ADAMTSL2: variants seen among roughly 807,000 people sequenced by gnomAD.
The protein encoded by ADAMTSL2 is ADAMTS-like protein 2.
A neutral mutation model predicts 117.0 loss-of-function variants in ADAMTSL2; 55 were observed. That is an observed-to-expected ratio of 0.47 (90% CI 0.38 to 0.59). The LOEUF (loss-of-function observed/expected upper bound fraction) is 0.59. Among genes scored for constraint, ADAMTSL2 ranks in the 20% least tolerant of loss-of-function variants. ADAMTSL2 has a pLI of 0.00. For synonymous variants in ADAMTSL2, 572 were observed against 566.4 expected, an observed-to-expected ratio of 1.01 and a Z score of -0.14; for missense variants, 1,182 against 1,354.5, an observed-to-expected ratio of 0.87 and a Z score of 2.00.
chr9:133,549,569 G>A (rs1452129308), intron 9 of ADAMTSL2, among the ~76,000 whole-genome samples: 1 of 144,906 alleles, frequency 6.9e-6, no homozygotes, highest in East Asian at 2.0e-4. Flanking sequence ...TTTTTAAGTA[G>A]AGAGAGGGTC....
chr9:133,540,549 G>C (rs369563043), intron 5 of ADAMTSL2, 49 bp from the exon 6 acceptor site: 2 of 1,606,014 alleles, frequency 1.2e-6, no homozygotes, highest in Non-Finnish European at 1.7e-6. Context: ...CTCTGAATCC[G>C]GCATTTCCTG....
At chr9:133,570,650 C>T in intron 17 of ADAMTSL2, 143 bp downstream of exon 17, 1 of 926,988 alleles carries the variant, frequency 1.1e-6, no homozygotes, top group African/African-American at 1.6e-5. Context: ...CCCGGGAAAG[C>T]TTCTCAACTC....
intron 3 of ADAMTSL2, among the ~76,000 whole-genome samples, chr9:133,537,849 A>G (rs1050578094): frequency 9.2e-5 from 14 of 152,210 alleles, no homozygotes; most frequent in African/African-American, 3.4e-4. Context: ...TCTTCTGAAG[A>G]CCTGAGTGAG....
At chr9:133,539,486 G>A (rs992628255) in intron 4 of ADAMTSL2, among the ~76,000 whole-genome samples, 8 of 152,178 alleles carry the variant, frequency 5.3e-5, no homozygotes, top group South Asian at 4.1e-4. Context: ...CCCCTCCACC[G>A]CAAGGCTGGG....
At chr9:133,571,077 CTA>C (rs1403899937) in intron 17 of ADAMTSL2, among the ~76,000 whole-genome samples, 1 of 152,168 alleles carries the variant, frequency 6.6e-6, no homozygotes, top group African/African-American at 2.4e-5. Flanking sequence ...TGAGGCAGGA[CTA>C]TGCTGAGATC....
At chr9:133,564,635 A>G (rs866238408) in intron 12 of ADAMTSL2, among the ~76,000 whole-genome samples, 10 of 46,456 alleles carry the variant, frequency 2.2e-4, no homozygotes, top group Admixed American at 6.2e-4. Flanking sequence ...GGAGAGAGAG[A>G]GAGAGGGAGA....
At chr9:133,547,296 C>A in intron 9 of ADAMTSL2, 83 bp downstream of exon 9, 1 of 1,400,778 alleles carries the variant, frequency 7.1e-7, no homozygotes. Flanking sequence ...GGTCTTCCAG[C>A]CCGTGACGCC....
At chr9:133,539,674 G>GCTGT in intron 4 of ADAMTSL2, 97 bp from the exon 5 acceptor site, 3 of 1,270,244 alleles carry the variant, frequency 2.4e-6, no homozygotes, top group Non-Finnish European at 3.3e-6. Flanking sequence ...GGCTGTCCCG[G>GCTGT]CTGTCCCGGC....
chr9:133,546,772 A>G (rs1830358109), intron 8 of ADAMTSL2, among the ~76,000 whole-genome samples: 1 of 152,190 alleles, frequency 6.6e-6, no homozygotes, highest in South Asian at 2.1e-4. Flanking sequence ...ACAGGTAGCC[A>G]CAAGAACAGG....
chr9:133,534,590 T>G, upstream of ADAMTSL2: 7 of 1,179,966 alleles, frequency 5.9e-6, no homozygotes, highest in Non-Finnish European at 5.4e-6. Flanking sequence ...CAGAGCGGGT[T>G]AAAGTGTGCG....
chr9:133,565,159 A>T (rs1830936510), intron 12 of ADAMTSL2, among the ~76,000 whole-genome samples: 2 of 151,888 alleles, frequency 1.3e-5, no homozygotes, highest in African/African-American at 4.8e-5. Context: ...TGTTTCAAGG[A>T]GGGGCTCCGT....
At chr9:133,553,025 T>C (rs1313826913) in intron 9 of ADAMTSL2, among the ~76,000 whole-genome samples, 1 of 152,194 alleles carries the variant, frequency 6.6e-6, no homozygotes, top group African/African-American at 2.4e-5. Context: ...AGAATGTGAC[T>C]TAATCTAAGC....
intron 17 of ADAMTSL2, among the ~76,000 whole-genome samples, chr9:133,572,450 G>A (rs1308968133): frequency 6.6e-6 from 1 of 152,192 alleles, no homozygotes; most frequent in Non-Finnish European, 1.5e-5. Flanking sequence ...AGCCCGGTGG[G>A]AGGGAGAGTG....
chr9:133,544,952 G>T (rs553976295), intron 8 of ADAMTSL2, among the ~76,000 whole-genome samples: 1 of 152,256 alleles, frequency 6.6e-6, no homozygotes, highest in African/African-American at 2.4e-5. Context: ...CGGTGCAGAG[G>T]TAGGATTCCG....
intron 9 of ADAMTSL2, among the ~76,000 whole-genome samples, chr9:133,548,885 C>A (rs993826238): frequency 6.6e-6 from 1 of 152,210 alleles, no homozygotes; most frequent in African/African-American, 2.4e-5. Context: ...GGGAACAGCC[C>A]CTCTAGAATT....
chr9:133,537,888 G>A (rs765012839), intron 3 of ADAMTSL2, among the ~76,000 whole-genome samples: 1 of 152,236 alleles, frequency 6.6e-6, no homozygotes, highest in Non-Finnish European at 1.5e-5. Flanking sequence ...GGGAGCCCCG[G>A]GAGAAGCAGA....
rs1001143902 is a variant in ADAMTSL2, at chr9:133,574,992, C to T, written c.*128C>T. The stretch of plus-strand genomic sequence containing the variant: ...GCCTAAGAGACGTGGCACTGAGCCT[C>T]GGCTGTCGAGAGGGGACTTCCCACG... On this transcript the variant is annotated 3_prime_UTR_variant, in exon 19 of 19. Transcript: ENST00000651351. 2.3e-5 allele frequency: 17 copies of T among 739,132 alleles called. No individual in the cohort carries two copies. The highest frequency in any genetic ancestry group is 8.7e-5 in the Admixed American group (4 of 45,944). 45.8% of individuals were successfully genotyped at this position (739,132 alleles called of 1,614,324 possible). A position where few individuals can be genotyped will look rare whatever the true frequency, so the allele number is the denominator to read the frequency against.
At position 133,540,760 on chromosome 9, in the gene ADAMTSL2, G is replaced by A; in HGVS notation, c.558+17G>A. On this transcript the variant is annotated intron_variant, in intron 6 of 18. Transcript: ENST00000651351. ...AAATGTGAGGTTGTTAAACGTTGTA[G>A]CAAAAGTACCGCCGGTCTCACTGTG... is the stretch of plus-strand genomic sequence containing the variant. 1 of 1,613,700 alleles carries A rather than the reference G, an allele frequency of 6.2e-7. No homozygotes were observed. The highest frequency in any genetic ancestry group is 8.5e-7 in the Non-Finnish European group (1 of 1,180,040).
intron 7 of ADAMTSL2, among the ~76,000 whole-genome samples, chr9:133,544,000 C>T (rs1384266042): frequency 6.6e-6 from 1 of 152,256 alleles, no homozygotes; most frequent in Non-Finnish European, 1.5e-5. Flanking sequence ...ATTCTATCTG[C>T]AGCTCTCCTT....
Sources: allele counts gnomAD v4.1 joint callset (sites outside exome capture counted in the v4.1 genomes callset), GRCh38; gene constraint gnomAD v4.1.1; transcripts MANE v1.5; gene names NCBI Gene and HGNC (gene_info 2026-07-23, HGNC 2026-07-21).